DNAH6: variants seen among roughly 807,000 people sequenced by gnomAD.
DNAH6 encodes the protein axonemal beta dynein heavy chain 6.
Under a neutral mutation model 491.4 loss-of-function variants are expected in DNAH6, and 340 were observed. That is an observed-to-expected ratio of 0.69 (90% CI 0.63 to 0.76). DNAH6 has a LOEUF of 0.76. Among genes scored for constraint, DNAH6 ranks in the 30% least tolerant of loss-of-function variants. The pLI, the probability that DNAH6 is intolerant of heterozygous loss-of-function variation, is 0.00. For synonymous variants in DNAH6, 1,603 were observed against 1,686.1 expected (o/e 0.95, Z 1.21); for missense variants, 4,443 against 4,972.2 (o/e 0.89, Z 3.20).
Position 84,584,078 on chromosome 2 carries a change from C to A in DNAH6, c.2309C>A (p.Pro770His). Reference protein sequence around the residue: ...LMEQYQVPTPPEDFAVFATMK... With the variant: ...LMEQYQVPTPHEDFAVFATMK... ...GAACAATATCAGGTGCCCACACCTC[C>A]TGAAGACTTTGCTGTTTTTGCAACT... Residue 770 changes from proline (P) to histidine (H), a missense_variant, in exon 15 of 77, where the codon CCT becomes CAT. By Grantham distance (77) the Pro-to-His change is moderately conservative (BLOSUM62 -2). Around this residue, in one of 3 missense-constraint regions of DNAH6, gnomAD observed 2,977 missense variants for 3,296.6 expected, o/e 0.90. Transcript: ENST00000389394. The A allele has an allele frequency of 6.2e-7, 1 of 1,614,160 alleles. No individual in the cohort carries two copies. Among genetic ancestry groups the A allele is most frequent in the African/African-American group, 1.3e-5 (1 of 75,044 alleles).
At chr2:84,598,447 C>T (rs1414439979) in intron 18 of DNAH6, among the ~76,000 whole-genome samples, 4 of 152,166 alleles carry the variant, frequency 2.6e-5, no homozygotes, top group African/African-American at 9.7e-5. Context: ...TTTAATAAAG[C>T]TGCTATAAAC....
At chr2:84,574,330 G>A (rs986963832) in intron 12 of DNAH6, among the ~76,000 whole-genome samples, 1 of 151,746 alleles carries the variant, frequency 6.6e-6, no homozygotes, top group African/African-American at 2.4e-5. Context: ...CTATGCTGAA[G>A]TATTCTTAAG....
intron 2 of DNAH6, among the ~76,000 whole-genome samples, chr2:84,524,498 A>G (rs1676432273): frequency 6.6e-6 from 1 of 151,818 alleles, no homozygotes; most frequent in Non-Finnish European, 1.5e-5. Flanking sequence ...TGTTTATTAC[A>G]CTGGCTTGTT....
At chr2:84,574,911 T>A (rs1682273301) in intron 12 of DNAH6, among the ~76,000 whole-genome samples, 1 of 152,086 alleles carries the variant, frequency 6.6e-6, no homozygotes, top group African/African-American at 2.4e-5. Flanking sequence ...CTCAGCAAGT[T>A]CCCATCAGCA....
the DNAH6 span, among the ~76,000 whole-genome samples, chr2:84,500,794 A>T: frequency 6.6e-6 from 1 of 152,164 alleles, no homozygotes; most frequent in South Asian, 2.1e-4. Flanking sequence ...GCTATTATAA[A>T]TGAGATTACT....
chr2:84,642,130 C>A, intron 33 of DNAH6, 76 bp downstream of exon 33: 1 of 980,808 alleles, frequency 1.0e-6, no homozygotes, highest in East Asian at 2.7e-5. Context: ...TCAATTATTT[C>A]TTTCTCTAAC....
chr2:84,735,995 G>A (rs981571710), intron 62 of DNAH6, among the ~76,000 whole-genome samples: 1 of 152,078 alleles, frequency 6.6e-6, no homozygotes, highest in Non-Finnish European at 1.5e-5. Context: ...GATTTTCATA[G>A]TTTGAGGTTT....
At chr2:84,572,081 G>A (rs1178225709) in intron 11 of DNAH6, among the ~76,000 whole-genome samples, 2 of 152,292 alleles carry the variant, frequency 1.3e-5, no homozygotes, top group East Asian at 3.9e-4. Flanking sequence ...TTAGATAGCA[G>A]TATTAATATC....
chr2:84,527,185 C>T (rs1676682654), intron 3 of DNAH6, among the ~76,000 whole-genome samples: 1 of 152,040 alleles, frequency 6.6e-6, no homozygotes, highest in Non-Finnish European at 1.5e-5. Context: ...AGTTGGAGGC[C>T]TCTGTTAATT....
Position 84,606,938 on chromosome 2 carries a change from CT to C in DNAH6, c.3175-37del. The C allele has an allele frequency of 1.9e-6, 3 of 1,539,320 alleles. No individual in the cohort carries two copies. In the South Asian group the frequency reaches 3.6e-5, roughly 19 times the overall value. Reference sequence around the variant, plus strand: ...TGAAATATTACTGAAAGCACAAATACTGGGTGCTGCATGTATTTTCTTCCCC... The same window carrying C: ...TGAAATATTACTGAAAGCACAAATACGGGTGCTGCATGTATTTTCTTCCCC... On this transcript the variant is annotated intron_variant, in intron 20 of 76. Transcript: ENST00000389394.
At chr2:84,512,808 A>T (rs1675387735), upstream of DNAH6, among the ~76,000 whole-genome samples, 1 of 152,104 alleles carries the variant, frequency 6.6e-6, no homozygotes. Context: ...AGCCACTGCC[A>T]CTTTCTTTTG....
At chr2:84,642,554 T>G (rs962082932) in intron 33 of DNAH6, among the ~76,000 whole-genome samples, 28 of 152,190 alleles carry the variant, frequency 1.8e-4, no homozygotes, top group African/African-American at 6.8e-4. Flanking sequence ...ATTTATTTAT[T>G]CTGCTATCCC....
chr2:84,575,109 T>C (rs1442746355), intron 12 of DNAH6, among the ~76,000 whole-genome samples: 1 of 152,180 alleles, frequency 6.6e-6, no homozygotes, highest in Non-Finnish European at 1.5e-5. Context: ...CAGTACGTCC[T>C]AAACCACTAA....
chr2:84,798,329 C>G (rs910416472), intron 70 of DNAH6, among the ~76,000 whole-genome samples: 6 of 152,146 alleles, frequency 3.9e-5, no homozygotes, highest in African/African-American at 1.4e-4. Flanking sequence ...AGTGAAGGAA[C>G]CCCAGGGCAC....
chr2:84,621,610 T>C, intron 26 of DNAH6, 59 bp downstream of exon 26: 1 of 1,033,588 alleles, frequency 9.7e-7, no homozygotes, highest in Non-Finnish European at 1.4e-6. Context: ...TGGGTTTTTT[T>C]TTAAAGCACA....
chr2:84,622,739 G>C (rs950012164), intron 26 of DNAH6, among the ~76,000 whole-genome samples: 1 of 152,102 alleles, frequency 6.6e-6, no homozygotes, highest in Non-Finnish European at 1.5e-5. Flanking sequence ...TTAATTTTTT[G>C]AGGAGCCGGC....
At chr2:84,536,059 A>G (rs184386990) in intron 4 of DNAH6, among the ~76,000 whole-genome samples, 29 of 152,184 alleles carry the variant, frequency 1.9e-4, no homozygotes, top group Admixed American at 1.8e-3. Flanking sequence ...TATGAATTAC[A>G]AATTTAAAAA....
chr2:84,672,506 C>T (rs1257146382), intron 40 of DNAH6, 22 bp downstream of exon 40: 41 of 1,535,248 alleles, frequency 2.7e-5, no homozygotes, highest in Non-Finnish European at 3.3e-5. Context: ...TTTTAAATTA[C>T]TTGGTGTGCT....
chr2:84,540,918 A>T (rs1322055105), intron 4 of DNAH6, among the ~76,000 whole-genome samples: 1 of 152,216 alleles, frequency 6.6e-6, no homozygotes, highest in African/African-American at 2.4e-5. Context: ...TAATGAGTTA[A>T]CTATCCAAGG....
Sources: gnomAD v4.1 joint callset for allele counts (sites outside exome capture counted in the v4.1 genomes callset) on GRCh38, gnomAD v4.1.1 for gene constraint, gnomAD v4.1.1 regional missense constraint, MANE v1.5 for transcripts, NCBI Gene and HGNC (gene_info 2026-07-23, HGNC 2026-07-21) for gene names.